LAMA5: variants seen among roughly 807,000 people sequenced by gnomAD.
LAMA5 encodes laminin subunit alpha 5.
LAMA5 carries 260 observed loss-of-function variants against 433.4 expected under a neutral mutation model. The ratio of observed to expected loss-of-function variants is 0.60; its 90% confidence interval spans 0.54 to 0.66. LAMA5 has a LOEUF of 0.66. Ranked by LOEUF, LAMA5 falls within the 30% of genes least tolerant of loss-of-function variation. The pLI is 0.00. For missense variants in LAMA5, 5,378 were observed against 5,258.5 expected (o/e 1.02, Z -0.70); for synonymous variants, 2,620 against 2,226.6 (o/e 1.18, Z -4.97).
Position 62,351,949 on chromosome 20 carries a change from A to G in LAMA5, c.818T>C (p.Leu273Pro). ...FLRTNTLLGH[L>P]MGKALRDPTV... ...GGGGTCCCGCAGCGCCTTCCCCATG[A>G]GATGGCCCAGCAGCGTGTTGGTACG... Residue 273 changes from leucine to proline, a missense_variant, in exon 5 of 80, where the codon CTC becomes CCC. Physicochemically the swap from Leu to Pro is moderately conservative, Grantham distance 98. Coordinates refer to ENST00000252999, the MANE Select transcript of LAMA5 (RefSeq NM_005560.6). The G allele has an allele frequency of 6.2e-7, 1 of 1,611,936 alleles. No homozygotes were observed. The highest frequency in any genetic ancestry group is 8.5e-7 in the Non-Finnish European group (1 of 1,179,632).
At position 62,330,493 on chromosome 20, in the gene LAMA5, C is replaced by G; in HGVS notation, c.3974G>C (p.Trp1325Ser). 1 of 1,550,680 alleles carries G rather than the reference C, an allele frequency of 6.4e-7. No individual in the cohort carries two copies. The highest frequency in any genetic ancestry group is 2.4e-5 in the East Asian group (1 of 42,122). The change falls in exon 31 of 80, where the codon TGG (tryptophan) becomes TCG (serine). Residue 1325 changes from tryptophan to serine, a missense_variant. By Grantham distance (177) the Trp-to-Ser change is radical. Coordinates refer to ENST00000252999, the MANE Select transcript of LAMA5 (RefSeq NM_005560.6). ...CCCCCACACCAGACACTCACCCTGC[C>G]ACACGCGGCCGGCGTTGATGAGGAC... ...VEVLINAGRV[W>S]QGHANASFCP... is the part of the protein sequence containing the mutation.
Position 62,359,696 on chromosome 20 carries a change from G to A in LAMA5, c.450+2704C>T, listed in dbSNP as rs1484410756. Among the ~76,000 whole-genome samples, 1 of 151,930 alleles carries A rather than the reference G, an allele frequency of 6.6e-6. No individual in the cohort carries two copies. The highest frequency in any genetic ancestry group is 1.5e-5 in the Non-Finnish European group (1 of 67,930). ...GCCTCTTCCTGAGGCCCCACCCTTG[G>A]AGAGAGAACCCCTCCACGGCTGGGC... On this transcript the variant is annotated intron_variant, in intron 2 of 79. Coordinates refer to ENST00000252999, the MANE Select transcript of LAMA5 (RefSeq NM_005560.6). This position sits in a 1 kb window ranked among gnomAD's most constrained non-coding sequence, Gnocchi z 4.3.
chr20:62,329,547 T>A (rs1245556329), intron 32 of LAMA5, among the ~76,000 whole-genome samples: 1 of 152,040 alleles, frequency 6.6e-6, no homozygotes, highest in Non-Finnish European at 1.5e-5. Flanking sequence ...AGGCCCCACC[T>A]CCTCCAGGAA....
chr20:62,335,563 C>CA (rs1246367669), intron 18 of LAMA5, among the ~76,000 whole-genome samples: 1 of 148,284 alleles, frequency 6.7e-6, no homozygotes, highest in Non-Finnish European at 1.5e-5. Flanking sequence ...AGCCCCCCCC[C>CA]AGGAACCCCT....
Position 62,330,736 on chromosome 20 carries a change from C to G in LAMA5, c.3852+7G>C. 1.8e-5 allele frequency: 28 copies of G among 1,558,060 alleles called. No homozygotes were observed. The highest frequency in any genetic ancestry group is 2.3e-5 in the Non-Finnish European group (27 of 1,151,526). ...ACCCCCGTCCCTCTAGAGACTATGGCCCTCACCTGGGGCTCACGCAGCAGG... is the reference window on the plus strand; with the variant it reads ...ACCCCCGTCCCTCTAGAGACTATGGGCCTCACCTGGGGCTCACGCAGCAGG... On this transcript the variant is annotated splice_region_variant and intron_variant, in intron 30 of 79. Transcript: ENST00000252999.
intron 6 of LAMA5, among the ~76,000 whole-genome samples, chr20:62,349,256 GT>G (rs1983825504): frequency 8.8e-6 from 1 of 113,702 alleles, no homozygotes; most frequent in Non-Finnish European, 1.7e-5. Flanking sequence ...GGGCAACAGA[GT>G]GAGACTCCAT....
chr20:62,353,960 G>A (rs1984764771), intron 2 of LAMA5, among the ~76,000 whole-genome samples: 2 of 152,092 alleles, frequency 1.3e-5, no homozygotes, highest in Admixed American at 1.3e-4. Context: ...CCCAGGCACT[G>A]GGGCAGTAGC....
In LAMA5 at chr20:62,316,038, C is replaced by A. The variant is rs1986899071; in HGVS notation, c.7777G>T (p.Ala2593Ser). 1.2e-6 allele frequency: 2 copies of A among 1,608,766 alleles called. No individual in the cohort carries two copies. Among genetic ancestry groups the A allele is most frequent in the Non-Finnish European group, 1.7e-6 (2 of 1,179,196 alleles). Residue 2593 changes from alanine (A) to serine (S), a missense_variant, in exon 58 of 80, where the codon GCC (alanine) becomes TCC (serine). Ala to Ser is a moderately conservative substitution (Grantham distance 99, BLOSUM62 1). Transcript: ENST00000252999. ...CGGACATCTCGGAGCTGGGTCCTGG[C>A]ACCCTGGAGGGCAGCCCACACTGCG... The part of the protein sequence containing the change: ...LGLVWAALQG[A>S]RTQLRDVRAK...
Position 62,337,675 on chromosome 20 carries a change from AC to A in LAMA5, c.2078del (p.Ser693MetfsTer10). On this transcript the variant is annotated frameshift_variant, in exon 16 of 80. Transcript: ENST00000252999. LOFTEE classifies it high-confidence loss of function. ...GSLHAACDPR[S>X]GQCSCRPRVT... ...CACGGGGCCGGCAGCTGCACTGCCCACTCCGGGGGTCACAGGCTGCGTGCAG... is the reference window on the plus strand; with the variant it reads ...CACGGGGCCGGCAGCTGCACTGCCCATCCGGGGGTCACAGGCTGCGTGCAG... The A allele has an allele frequency of 6.2e-7, 1 of 1,612,064 alleles. No homozygotes were observed. Among genetic ancestry groups the A allele is most frequent in the Non-Finnish European group, 8.5e-7 (1 of 1,179,602 alleles).
intron 54 of LAMA5, 60 bp downstream of exon 54, chr20:62,317,602 G>C: frequency 6.6e-7 from 1 of 1,514,560 alleles, no homozygotes; most frequent in Non-Finnish European, 8.9e-7. Flanking sequence ...AGCTGCCCAC[G>C]GGCCTGGGAG....
In LAMA5 at chr20:62,351,703, C is replaced by G. The variant is rs373628294; in HGVS notation, c.956+1G>C. 6.2e-7 allele frequency: 1 copy of G among 1,610,706 alleles called. No homozygotes were observed. The highest frequency in any genetic ancestry group is 8.5e-7 in the Non-Finnish European group (1 of 1,179,506). ...GGGGCCTCACCTGAATGGGGCCTCA[C>G]CTGAACGGGTCCGTGGGGTCTTTGG... On this transcript the variant is annotated splice_donor_variant, in intron 6 of 79. Coordinates refer to ENST00000252999, the MANE Select transcript of LAMA5 (RefSeq NM_005560.6). LOFTEE classifies it high-confidence loss of function.
At position 62,311,680 on chromosome 20, in the gene LAMA5, C is replaced by T; in HGVS notation, c.9740G>A (p.Gly3247Glu). The T allele has an allele frequency of 6.3e-7, 1 of 1,590,494 alleles. No individual in the cohort carries two copies. The highest frequency in any genetic ancestry group is 8.6e-7 in the Non-Finnish European group (1 of 1,169,584). The change falls in exon 71 of 80, where the codon GGA becomes GAA. Residue 3247 changes from glycine to glutamate, a missense_variant. Gly to Glu is a moderately conservative substitution (Grantham distance 98). Coordinates refer to ENST00000252999, the MANE Select transcript of LAMA5 (RefSeq NM_005560.6). ...AATGGTGCCAGACTCAGGCAGGCCT[C>T]CCAGGAGGAGCCTCGGGGGCCCCTC... The part of the protein sequence containing the change: ...QPEGPPRLLL[G>E]GLPESGTIYN...
chr20:62,322,608 T>A, intron 46 of LAMA5, 50 bp downstream of exon 46: 1 of 1,453,106 alleles, frequency 6.9e-7, no homozygotes, highest in Non-Finnish European at 9.3e-7. Context: ...AGGCCCCAAC[T>A]CTAGTCCCTA....
chr20:62,346,874 G>A (rs1179683393), intron 7 of LAMA5, 39 bp downstream of exon 7: 3 of 1,608,796 alleles, frequency 1.9e-6, no homozygotes, highest in Non-Finnish European at 2.6e-6. Context: ...ATGGGCCAGG[G>A]TGTGGGCAGG....
At chr20:62,317,886 TG>T (rs1181706789) in intron 53 of LAMA5, 108 bp from the exon 54 acceptor site, 7 of 3,622 alleles carry the variant, frequency 1.9e-3, no homozygotes, top group East Asian at 0.017. Context: ...AGGGGGAGTA[TG>T]GGGGGTGAGG....
At chr20:62,358,189 G>A (rs1466295102) in intron 2 of LAMA5, among the ~76,000 whole-genome samples, 3 of 152,164 alleles carry the variant, frequency 2.0e-5, no homozygotes, top group Non-Finnish European at 2.9e-5. Flanking sequence ...GCGGGGGTGC[G>A]GGGAGAGGAG....
chr20:62,366,813 T>C lies in LAMA5; in HGVS notation c.297+136A>G, dbSNP rs144826578. 133,976 of 1,184,024 alleles carry C rather than the reference T, an allele frequency of 0.11. 8,002 individuals carry two copies. The highest frequency in any genetic ancestry group is 0.19 in the South Asian group (4,401 of 22,636). 73.3% of individuals were successfully genotyped at this position (1,184,024 alleles called of 1,614,324 possible). ...GGAGCGGCCGGGTCGGGGTGCCTTC[T>C]TGGGCCCCCAAAATGCGGAACCAGA... is the stretch of plus-strand genomic sequence containing the variant. On this transcript the variant is annotated intron_variant, in intron 1 of 79. Coordinates refer to ENST00000252999, the MANE Select transcript of LAMA5 (RefSeq NM_005560.6).
intron 6 of LAMA5, among the ~76,000 whole-genome samples, chr20:62,350,294 G>C (rs1291447969): frequency 1.3e-5 from 2 of 152,076 alleles, no homozygotes. Context: ...AGCTCTGCTG[G>C]AGCTCAGCAC....
intron 5 of LAMA5, 32 bp from the exon 6 acceptor site, chr20:62,351,833 G>A: frequency 6.3e-7 from 1 of 1,585,570 alleles, no homozygotes; most frequent in Non-Finnish European, 8.6e-7. Flanking sequence ...GCACCAGGCG[G>A]CCAGGCCTCA....
Sources: gnomAD v4.1 joint callset for allele counts (sites outside exome capture counted in the v4.1 genomes callset) on GRCh38, gnomAD v4.1.1 for gene constraint, Gnocchi (gnomAD v3.1) non-coding constraint, MANE v1.5 for transcripts, NCBI Gene and HGNC (gene_info 2026-07-23, HGNC 2026-07-21) for gene names.